Variants in RGS6 observed in about 807,000 individuals in gnomAD.
The protein encoded by RGS6 is regulator of G protein signaling 6.
In RGS6, 30 loss-of-function variants were observed where a neutral mutation model predicts 78.5. The observed-to-expected ratio is 0.38, with a 90% confidence interval of 0.29 to 0.52. RGS6 has a LOEUF of 0.52. RGS6 is among the 20% of genes least tolerant of loss of function. RGS6 has a pLI of 0.85. For synonymous variants in RGS6, 206 were observed against 206.0 expected (o/e 1.00, Z 0.00); for missense variants, 495 against 609.7 (o/e 0.81, Z 1.98).
chr14:72,024,072 CATAACGAGGACTCG>C (rs2089311612), intron 2 of RGS6, among the ~76,000 whole-genome samples: 2 of 122,266 alleles, frequency 1.6e-5, no homozygotes, highest in African/African-American at 5.9e-5. Context: ...GTGTCTAGCA[CATAACGAGGACTCG>C]GTAAATATTT....
rs184180011 is a variant in RGS6 at position 72,428,379 on chromosome 14, T to C, written c.185-26149T>C. Among the ~76,000 whole-genome samples, 64 of 152,202 alleles carry C rather than the reference T, an allele frequency of 4.2e-4. 1 individual carries two copies. In the East Asian group the frequency reaches 9.3e-3, roughly 22 times the overall value. ...TGGGTGGATGGTAGATGGCAGTGGA[T>C]GAACAGATGAATGAATGGACAGATG... On this transcript the variant is annotated intron_variant, in intron 3 of 17. Coordinates refer to ENST00000553525, the MANE Select transcript of RGS6 (RefSeq NM_001204424.2).
At chr14:72,126,919 C>G (rs1272665794) in intron 2 of RGS6, among the ~76,000 whole-genome samples, 1 of 152,080 alleles carries the variant, frequency 6.6e-6, no homozygotes, top group Non-Finnish European at 1.5e-5. Context: ...ATCATCATCT[C>G]TCATCTCATC....
chr14:72,562,335 A>G (rs1375133980), intron 17 of RGS6, 82 bp from the exon 18 acceptor site: 3 of 1,428,008 alleles, frequency 2.1e-6, no homozygotes, highest in African/African-American at 1.4e-5. Context: ...TCATGCAACA[A>G]TTAATTCACC....
intron 2 of RGS6, among the ~76,000 whole-genome samples, chr14:72,230,579 C>T (rs2238225): frequency 0.12 from 17,541 of 152,112 alleles, 1,264 homozygotes; most frequent in East Asian, 0.33. Context: ...TATATGCGTA[C>T]GTACACACAC....
At chr14:72,260,169 T>C (rs2057885435) in intron 2 of RGS6, among the ~76,000 whole-genome samples, 1 of 152,216 alleles carries the variant, frequency 6.6e-6, no homozygotes, top group Non-Finnish European at 1.5e-5. Flanking sequence ...TTAGGCTCTA[T>C]GATCTGGTGA....
chr14:72,541,376 TA>T (rs2097324542), intron 17 of RGS6: 1 of 1,418,566 alleles, frequency 7.0e-7, no homozygotes, highest in East Asian at 2.5e-5. Context: ...AAACCTCAAA[TA>T]ACTCTAGTGG....
At chr14:72,042,443 A>G (rs957678921) in intron 2 of RGS6, among the ~76,000 whole-genome samples, 6 of 152,024 alleles carry the variant, frequency 3.9e-5, no homozygotes, top group African/African-American at 1.2e-4. Flanking sequence ...ATACTTTTCT[A>G]ATTATGAACC....
At chr14:72,614,777 G>GGAAAAAAAAAAA in the RGS6 span, among the ~76,000 whole-genome samples, 90 of 96,056 alleles carry the variant, frequency 9.4e-4, no homozygotes, top group South Asian at 4.2e-3. Context: ...ACAAGCCTCA[G>GGAAAAAAAAAAA]AAAAAAAAAA....
rs113217075 is a variant in RGS6, at chr14:72,300,625, G to A, written c.85-51470G>A. 2.2e-3 allele frequency among the ~76,000 whole-genome samples: 337 copies of A among 152,272 alleles called. 1 individual carries two copies. Among genetic ancestry groups the A allele is most frequent in the African/African-American group, 7.3e-3 (303 of 41,560 alleles). ...GACTAATGTGACTGAGTTGTGAAAC[G>A]TCTCGAAATGGCATTTCAATTGTCA... On this transcript the variant is annotated intron_variant, in intron 2 of 17. Transcript: ENST00000553525.
intron 3 of RGS6, among the ~76,000 whole-genome samples, chr14:72,392,737 C>T (rs74060789): frequency 3.3e-5 from 5 of 152,178 alleles, no homozygotes; most frequent in Non-Finnish European, 7.3e-5. Flanking sequence ...TGACACTTTG[C>T]AAGCCACCCA....
At chr14:72,377,761 T>G (rs1357867584) in intron 3 of RGS6, among the ~76,000 whole-genome samples, 1 of 152,208 alleles carries the variant, frequency 6.6e-6, no homozygotes, top group East Asian at 1.9e-4. Flanking sequence ...GAGGATTGTT[T>G]GAGCCCAAGA....
At chr14:71,911,429 G>A in the RGS6 span, among the ~76,000 whole-genome samples, 1 of 152,144 alleles carries the variant, frequency 6.6e-6, no homozygotes, top group Non-Finnish European at 1.5e-5. Context: ...GTTTTTCATA[G>A]GGAAAATGAG....
chr14:71,969,428 G>A (rs1349418418), intron 2 of RGS6, among the ~76,000 whole-genome samples: 1 of 152,172 alleles, frequency 6.6e-6, no homozygotes, highest in Non-Finnish European at 1.5e-5. Context: ...AATTTGATTT[G>A]TTTGGGTCAG....
intron 2 of RGS6, among the ~76,000 whole-genome samples, chr14:72,310,485 CA>C (rs1316406467): frequency 2.6e-5 from 4 of 152,144 alleles, no homozygotes; most frequent in Non-Finnish European, 2.9e-5. Flanking sequence ...TCTATTTAGT[CA>C]GAAGGAATGA....
At chr14:72,111,251 C>A (rs2095755167) in intron 2 of RGS6, among the ~76,000 whole-genome samples, 2 of 152,074 alleles carry the variant, frequency 1.3e-5, no homozygotes, top group Admixed American at 1.3e-4. Context: ...AAATGACATC[C>A]AACTCTCCTT....
At chr14:72,031,215 T>C (rs2090834924) in intron 2 of RGS6, among the ~76,000 whole-genome samples, 1 of 152,162 alleles carries the variant, frequency 6.6e-6, no homozygotes, top group Non-Finnish European at 1.5e-5. Flanking sequence ...TTTTTTATTG[T>C]GCTGTTTAAG....
intron 5 of RGS6, 57 bp from the exon 6 acceptor site, chr14:72,459,575 G>A (rs1018672503): frequency 6.4e-7 from 1 of 1,569,370 alleles, no homozygotes; most frequent in African/African-American, 1.4e-5. Context: ...CCTGGGTGTG[G>A]GAGGGAAGCG....
chr14:72,316,285 G>T (rs939743644), intron 2 of RGS6, among the ~76,000 whole-genome samples: 2 of 152,018 alleles, frequency 1.3e-5, no homozygotes, highest in Non-Finnish European at 2.9e-5. Flanking sequence ...TGTGCACAAT[G>T]TGCAGGTTTG....
chr14:72,300,800 G>A lies in RGS6; in HGVS notation c.85-51295G>A, dbSNP rs1014978744. Among the ~76,000 whole-genome samples, 6 of 152,140 alleles carry A rather than the reference G, an allele frequency of 3.9e-5. No homozygotes were observed. The South Asian group carries it at 6.2e-4, about 16-fold the overall frequency. On this transcript the variant is annotated intron_variant, in intron 2 of 17. Coordinates refer to ENST00000553525, the MANE Select transcript of RGS6 (RefSeq NM_001204424.2). ...GTCAAAAGGAGCTGAAGTGTATACC[G>A]TTTCTTTGACTTCTTCTGTGAGTCA...
Sources: gnomAD v4.1 joint callset for allele counts (sites outside exome capture counted in the v4.1 genomes callset) on GRCh38, gnomAD v4.1.1 for gene constraint, MANE v1.5 for transcripts, NCBI Gene and HGNC (gene_info 2026-07-23, HGNC 2026-07-21) for gene names.